Variants in PAX5 observed in about 807,000 individuals in gnomAD.
PAX5 encodes the protein paired box 5.
PAX5 carries 9 observed loss-of-function variants against 43.7 expected under a neutral mutation model. The ratio of observed to expected loss-of-function variants is 0.21; its 90% CI spans 0.12 to 0.36. The LOEUF (loss-of-function observed/expected upper bound fraction) is 0.36. Ranked by LOEUF, PAX5 falls within the 10% of genes least tolerant of loss-of-function variation. The probability of loss-of-function intolerance (pLI) is 1.00; values close to 1 mark genes in which losing one functional copy is unlikely to be tolerated. For missense variants in PAX5, 383 were observed against 532.7 expected, an observed-to-expected ratio of 0.72 and a Z score of 2.77; for synonymous variants, 228 against 214.3, an observed-to-expected ratio of 1.06 and a Z score of -0.56.
chr9:37,012,437 C>A (rs568466936), intron 3 of PAX5, among the ~76,000 whole-genome samples: 91 of 152,248 alleles, frequency 6.0e-4, no homozygotes, highest in African/African-American at 2.1e-3. Context: ...CTATAGGAGA[C>A]CACAGACATG....
At chr9:36,851,783 GCTGATCCCCCTTCT>G (rs1462937432) in intron 8 of PAX5, among the ~76,000 whole-genome samples, 5 of 152,280 alleles carry the variant, frequency 3.3e-5, no homozygotes, top group African/African-American at 9.6e-5. Flanking sequence ...GGGCATCCGG[GCTGATCCCCCTTCT>G]CTGATCCCCC....
intron 1 of PAX5, among the ~76,000 whole-genome samples, chr9:37,030,885 G>A (rs1840916946): frequency 6.6e-6 from 1 of 152,238 alleles, no homozygotes; most frequent in African/African-American, 2.4e-5. Context: ...ACAAAGTGAG[G>A]CCCAATAGGG....
intron 7 of PAX5, among the ~76,000 whole-genome samples, chr9:36,895,908 G>A (rs979939633): frequency 6.6e-6 from 1 of 152,208 alleles, no homozygotes; most frequent in African/African-American, 2.4e-5. Context: ...TAAGGGGTAA[G>A]TTCAGGGCTG....
At chr9:37,009,604 C>A (rs1452653292) in intron 3 of PAX5, among the ~76,000 whole-genome samples, 1 of 151,988 alleles carries the variant, frequency 6.6e-6, no homozygotes, top group African/African-American at 2.4e-5. Context: ...ATGAATAAGA[C>A]CTAGTATTTG....
intron 8 of PAX5, among the ~76,000 whole-genome samples, chr9:36,867,044 G>A (rs976757541): frequency 6.0e-5 from 4 of 66,872 alleles, no homozygotes; most frequent in Non-Finnish European, 3.0e-5. Flanking sequence ...CCTACAAAAT[G>A]TCCTGGATGG....
At chr9:36,862,880 T>C (rs1824358824) in intron 8 of PAX5, among the ~76,000 whole-genome samples, 4 of 152,080 alleles carry the variant, frequency 2.6e-5, no homozygotes, top group African/African-American at 9.7e-5. Context: ...ATCTGAAGGT[T>C]AAAAAGGCCC....
chr9:36,918,366 T>C (rs1038678082), intron 7 of PAX5, among the ~76,000 whole-genome samples: 12 of 152,130 alleles, frequency 7.9e-5, no homozygotes, highest in Non-Finnish European at 1.3e-4. Context: ...GGGGTCTGGA[T>C]AGAAGCTCAA....
intron 5 of PAX5, among the ~76,000 whole-genome samples, chr9:36,996,375 T>G (rs2132354948): frequency 6.6e-6 from 1 of 152,380 alleles, no homozygotes; most frequent in African/African-American, 2.4e-5. Flanking sequence ...AGAGATTAAG[T>G]AACTCGCTAC....
chr9:36,943,133 C>T (rs1832199727), intron 6 of PAX5, among the ~76,000 whole-genome samples: 1 of 152,198 alleles, frequency 6.6e-6, no homozygotes, highest in Non-Finnish European at 1.5e-5. Context: ...ATCTCCATTG[C>T]TTCACGTTCT....
chr9:36,919,392 G>A (rs1209780204), intron 7 of PAX5, among the ~76,000 whole-genome samples: 1 of 152,234 alleles, frequency 6.6e-6, no homozygotes, highest in Middle Eastern at 3.2e-3. Context: ...TCCGTGGCCT[G>A]TGGATCAAGG....
intron 9 of PAX5, 94 bp from the exon 10 acceptor site, chr9:36,840,730 C>A: frequency 1.3e-6 from 1 of 742,886 alleles, no homozygotes; most frequent in East Asian, 2.7e-5. Flanking sequence ...TCACTCAGTC[C>A]GGGCCACCAT....
chr9:37,001,810 CTTTTTT>C (rs3073720), intron 5 of PAX5, among the ~76,000 whole-genome samples: 4 of 87,992 alleles, frequency 4.5e-5, no homozygotes, highest in African/African-American at 9.0e-5. Flanking sequence ...ACAGCTCTGG[CTTTTTT>C]TTTTTTTTTT....
At chr9:36,842,614 C>T (rs960313978) in intron 9 of PAX5, among the ~76,000 whole-genome samples, 13 of 152,208 alleles carry the variant, frequency 8.5e-5, no homozygotes, top group Non-Finnish European at 1.8e-4. Context: ...CTAGAATAAA[C>T]TTGTCCTTTC....
intron 6 of PAX5, among the ~76,000 whole-genome samples, chr9:36,929,366 G>A (rs373568626): frequency 1.5e-3 from 226 of 152,250 alleles, no homozygotes; most frequent in African/African-American, 5.0e-3. Context: ...TGGTAACAAC[G>A]GCATTCTACT....
intron 8 of PAX5, among the ~76,000 whole-genome samples, chr9:36,863,986 G>A (rs1434071086): frequency 2.0e-5 from 3 of 152,190 alleles, no homozygotes; most frequent in Admixed American, 2.0e-4. Context: ...GCATGTGCCT[G>A]TAGTCCCAGC....
At chr9:36,977,121 G>A (rs1436763295) in intron 5 of PAX5, among the ~76,000 whole-genome samples, 1 of 152,166 alleles carries the variant, frequency 6.6e-6, no homozygotes, top group East Asian at 1.9e-4. Context: ...AGCCCTGGGA[G>A]CCTAATGCAA....
chr9:36,976,160 T>G (rs1835410296), intron 5 of PAX5, among the ~76,000 whole-genome samples: 1 of 152,058 alleles, frequency 6.6e-6, no homozygotes, highest in African/African-American at 2.4e-5. Flanking sequence ...TGAACTAGAG[T>G]GGATGATAAA....
intron 1 of PAX5, among the ~76,000 whole-genome samples, chr9:37,025,680 A>C (rs1840272843): frequency 6.6e-6 from 1 of 152,142 alleles, no homozygotes; most frequent in Admixed American, 6.5e-5. Context: ...AGGCTGTGGT[A>C]ATGGGTGAAT....
At chr9:37,021,959 C>T (rs574633902) in intron 1 of PAX5, among the ~76,000 whole-genome samples, 2 of 152,260 alleles carry the variant, frequency 1.3e-5, no homozygotes, top group African/African-American at 4.8e-5. Flanking sequence ...GTCTCACACA[C>T]ATATATACTC....
Sources: allele counts gnomAD v4.1 joint callset (sites outside exome capture counted in the v4.1 genomes callset), GRCh38; gene constraint gnomAD v4.1.1; transcripts MANE v1.5; gene names NCBI Gene and HGNC (gene_info 2026-07-23, HGNC 2026-07-21).